ARSG: variants seen among roughly 807,000 people sequenced by gnomAD.
ARSG encodes arylsulfatase G, also known as ASG.
In ARSG, 37 loss-of-function variants were observed where a neutral mutation model predicts 50.5. The observed-to-expected ratio is 0.73, with a 90% CI of 0.56 to 0.96. The LOEUF (loss-of-function observed/expected upper bound fraction) is 0.96. Among genes scored for constraint, ARSG ranks in the 50% least tolerant of loss-of-function variants. ARSG has a pLI of 0.00. For synonymous variants in ARSG, 225 were observed against 254.6 expected, an observed-to-expected ratio of 0.88 and a Z score of 1.11; for missense variants, 629 against 675.3, an observed-to-expected ratio of 0.93 and a Z score of 0.76.
intron 7 of ARSG, among the ~76,000 whole-genome samples, chr17:68,370,008 A>G (rs1241442397): frequency 6.6e-6 from 1 of 151,904 alleles, no homozygotes; most frequent in Non-Finnish European, 1.5e-5. Flanking sequence ...ATTTGTCTTT[A>G]TTTATTTATA....
At chr17:68,342,759 G>A (rs1472919162) in intron 2 of ARSG, among the ~76,000 whole-genome samples, 1 of 152,132 alleles carries the variant, frequency 6.6e-6, no homozygotes, top group African/African-American at 2.4e-5. Flanking sequence ...ATTTTCCACA[G>A]TGAAACCACC....
intron 1 of ARSG, among the ~76,000 whole-genome samples, chr17:68,266,119 T>C (rs1270854957): frequency 6.6e-5 from 10 of 152,188 alleles, no homozygotes; most frequent in Non-Finnish European, 1.2e-4. Context: ...TTACTCTGGC[T>C]ACCATGATAT....
chr17:68,387,619 TGG>T (rs2080791538), intron 9 of ARSG, among the ~76,000 whole-genome samples: 1 of 152,246 alleles, frequency 6.6e-6, no homozygotes, highest in Non-Finnish European at 1.5e-5. Flanking sequence ...TGACAGAGAA[TGG>T]TACTATGATC....
chr17:68,330,978 C>G (rs371357155), intron 2 of ARSG, among the ~76,000 whole-genome samples: 19 of 65,802 alleles, frequency 2.9e-4, no homozygotes, highest in Admixed American at 6.1e-4. Context: ...TTTTTTTTTG[C>G]GGGGGGGGGG....
intron 2 of ARSG, among the ~76,000 whole-genome samples, chr17:68,320,283 C>T (rs2077230243): frequency 6.8e-6 from 1 of 148,060 alleles, no homozygotes; most frequent in Non-Finnish European, 1.5e-5. Flanking sequence ...GAGCAAGACT[C>T]CGTCTTAAAA....
the ARSG span, among the ~76,000 whole-genome samples, chr17:68,429,278 G>C: frequency 6.6e-6 from 1 of 152,190 alleles, no homozygotes; most frequent in Admixed American, 6.5e-5. Context: ...AGACAGAAAG[G>C]GGGTAAATGG....
downstream of ARSG, chr17:68,427,311 C>T: frequency 5.3e-6 from 7 of 1,314,268 alleles, no homozygotes; most frequent in Non-Finnish European, 7.6e-6. Flanking sequence ...ATATCTAGGA[C>T]ACCTTCCAAA....
chr17:68,271,155 C>T lies in ARSG; in HGVS notation c.-552+11729C>T, dbSNP rs782057959. The T allele has an allele frequency of 1.4e-5, 23 of 1,613,904 alleles. No individual in the cohort carries two copies. Among genetic ancestry groups the T allele is most frequent in the Non-Finnish European group, 1.9e-5 (22 of 1,180,030 alleles). On this transcript the variant is annotated intron_variant, in intron 1 of 11. Coordinates refer to the ARSG transcript ENST00000448504. The surrounding 1 kb of genome is among the most constrained non-coding windows in gnomAD (Gnocchi z 5.3). ...TTCCGAAAACTTCTGCAATGGCCAT[C>T]GTAGATAATAAAAAAGCAGCGCGGT...
chr17:68,331,274 A>G (rs1400887853), intron 2 of ARSG, among the ~76,000 whole-genome samples: 2 of 119,224 alleles, frequency 1.7e-5, no homozygotes, highest in Non-Finnish European at 1.8e-5. Context: ...TTTTTGAGAC[A>G]GAGTCTTGCT....
chr17:68,345,035 TC>T (rs1330619877), intron 3 of ARSG, among the ~76,000 whole-genome samples: 8 of 152,148 alleles, frequency 5.3e-5, no homozygotes, highest in African/African-American at 1.9e-4. Flanking sequence ...CCAATTAAGG[TC>T]ACACACTTCT....
At chr17:68,302,281 C>G (rs2076449653) in intron 1 of ARSG, among the ~76,000 whole-genome samples, 1 of 152,188 alleles carries the variant, frequency 6.6e-6, no homozygotes, top group African/African-American at 2.4e-5. Flanking sequence ...GTCCACATCC[C>G]AGAGACCTGC....
rs56100909 is a variant in ARSG at position 68,375,868 on chromosome 17, C to T, written c.982+5344C>T. Among the ~76,000 whole-genome samples, 229 of 152,074 alleles carry T rather than the reference C, an allele frequency of 1.5e-3. 3 individuals are homozygous for T. The Middle Eastern group carries it at 0.027, about 18-fold the overall frequency. ...AGCGAGAGATGGGGCCAGCGTTCAA[C>T]GATCTTTTCAGTTTGGCTTTTATTT... is the stretch of plus-strand genomic sequence containing the variant. On this transcript the variant is annotated intron_variant, in intron 8 of 11. Coordinates refer to ENST00000621439, the MANE Select transcript of ARSG (RefSeq NM_001267727.2).
At position 68,420,777 on chromosome 17, in the gene ARSG, G is replaced by T; in HGVS notation, c.*314G>T. 2.9e-6 allele frequency: 1 copy of T among 346,056 alleles called. No homozygotes were observed. Among genetic ancestry groups the T allele is most frequent in the Non-Finnish European group, 5.3e-6 (1 of 189,194 alleles). The allele number at this position is 346,056 out of a possible 1,614,324, so 21.4% of individuals were successfully genotyped here. A position where few individuals can be genotyped will look rare whatever the true frequency, so the allele number is the denominator to read the frequency against. On this transcript the variant is annotated 3_prime_UTR_variant, in exon 12 of 12. Coordinates refer to ENST00000621439, the MANE Select transcript of ARSG (RefSeq NM_001267727.2). ...CCTAACCTGCAAGTTGATTTTGAGG[G>T]TTAAATAAAGGCATACATGAAAATG...
In ARSG at chr17:68,419,690, T is replaced by C. The variant is rs554694404; in HGVS notation, c.1304-499T>C. ...CCAAATCATTTTAGTGTGGCTGCAG[T>C]GGTTCCTGCTGATAATCCCAGCATT... On this transcript the variant is annotated intron_variant, in intron 11 of 11. Transcript: ENST00000621439. Among the ~76,000 whole-genome samples, 39 of 152,012 alleles carry C rather than the reference T, an allele frequency of 2.6e-4. No homozygotes were observed. In the East Asian group the frequency reaches 7.2e-3, roughly 28 times the overall value.
intron 1 of ARSG, among the ~76,000 whole-genome samples, chr17:68,262,851 T>C (rs1555745512): frequency 6.6e-6 from 1 of 152,178 alleles, no homozygotes; most frequent in African/African-American, 2.4e-5. Flanking sequence ...AAGTAGAAGA[T>C]GCCTAGTTTT....
At chr17:68,369,523 G>C (rs2079718988) in intron 7 of ARSG, among the ~76,000 whole-genome samples, 1 of 151,494 alleles carries the variant, frequency 6.6e-6, no homozygotes, top group Non-Finnish European at 1.5e-5. Context: ...CTGGGAGACA[G>C]AGCAAGACTC....
chr17:68,280,463 G>C (rs1228115889), intron 1 of ARSG, among the ~76,000 whole-genome samples: 2 of 152,100 alleles, frequency 1.3e-5, no homozygotes, highest in Non-Finnish European at 2.9e-5. Context: ...TGGAACAGAA[G>C]AGAGAACCCT....
intron 6 of ARSG, among the ~76,000 whole-genome samples, chr17:68,358,077 C>T (rs1198542534): frequency 6.6e-5 from 10 of 151,970 alleles, no homozygotes; most frequent in Non-Finnish European, 5.9e-5. Flanking sequence ...GTGATCTGCA[C>T]ATGTTGTTCC....
At chr17:68,277,421 C>T (rs557176202) in intron 1 of ARSG, among the ~76,000 whole-genome samples, 6 of 151,686 alleles carry the variant, frequency 4.0e-5, no homozygotes, top group South Asian at 4.2e-4. Flanking sequence ...TGAGCCACCG[C>T]GCCCGGCCGC....
Sources: gnomAD v4.1 joint callset for allele counts (sites outside exome capture counted in the v4.1 genomes callset) on GRCh38, gnomAD v4.1.1 for gene constraint, Gnocchi (gnomAD v3.1) non-coding constraint, MANE v1.5 for transcripts, NCBI Gene and HGNC (gene_info 2026-07-23, HGNC 2026-07-21) for gene names.